MINAR1: variants seen among roughly 807,000 people sequenced by gnomAD.
MINAR1 encodes the protein major intrinsically disordered Notch2-binding receptor 1.
MINAR1 carries 40 observed loss-of-function variants against 65.1 expected under a neutral mutation model. That is an observed-to-expected ratio of 0.61 (90% CI 0.48 to 0.80). The LOEUF is 0.80. Ranked by LOEUF, MINAR1 falls within the 30% of genes least tolerant of loss-of-function variation. The pLI, the probability that MINAR1 is intolerant of heterozygous loss-of-function variation, is 0.00. For synonymous variants in MINAR1, 482 were observed against 449.1 expected (o/e 1.07, Z -0.93); for missense variants, 1,128 against 1,148.0 (o/e 0.98, Z 0.25).
intron 2 of MINAR1, among the ~76,000 whole-genome samples, chr15:79,462,813 G>C (rs1287924444): frequency 6.6e-6 from 1 of 152,198 alleles, no homozygotes; most frequent in African/African-American, 2.4e-5. Flanking sequence ...CAATGGTAGT[G>C]ATGGCCTAAA....
intron 1 of MINAR1, among the ~76,000 whole-genome samples, chr15:79,454,078 C>T (rs1895330408): frequency 2.0e-5 from 3 of 152,232 alleles, no homozygotes; most frequent in Admixed American, 2.0e-4. Context: ...TTGTGACAGG[C>T]TGTCCCCACC....
intron 2 of MINAR1, among the ~76,000 whole-genome samples, chr15:79,460,172 T>C (rs1302854354): frequency 6.6e-6 from 1 of 152,216 alleles, no homozygotes; most frequent in Admixed American, 6.5e-5. Flanking sequence ...TGTCCCCTTC[T>C]GCAACCTCAT....
At chr15:79,422,640 AAAAC>A in the MINAR1 span, 1 of 152,250 alleles carries the variant, frequency 6.6e-6, no homozygotes, top group African/African-American at 2.4e-5. Flanking sequence ...AAAAGAAAAA[AAAAC>A]AAATGGCAAA....
At chr15:79,460,829 T>G (rs1318576168) in intron 2 of MINAR1, among the ~76,000 whole-genome samples, 1 of 152,256 alleles carries the variant, frequency 6.6e-6, no homozygotes, top group Non-Finnish European at 1.5e-5. Context: ...TGCTCTACCT[T>G]GATGAGTCTT....
intron 2 of MINAR1, among the ~76,000 whole-genome samples, chr15:79,459,961 G>A (rs1029474773): frequency 2.6e-5 from 4 of 152,174 alleles, no homozygotes; most frequent in Non-Finnish European, 5.9e-5. Context: ...AGATATCATT[G>A]AACAGTGGCC....
chr15:79,462,175 G>T (rs746004218), intron 2 of MINAR1, among the ~76,000 whole-genome samples: 16 of 152,046 alleles, frequency 1.1e-4, no homozygotes, highest in Non-Finnish European at 1.6e-4. Flanking sequence ...CTGGAGAAGG[G>T]GATTAAAAGG....
At position 79,463,171 on chromosome 15, in the gene MINAR1, C is replaced by A. The variant is rs1895710359; in HGVS notation, c.2403C>A (p.Ser801=). ...TCAGCCCTCACCCCTACCCTGCCTC[C>A]CTCAAGGCCCACATGAAGAGCAACC... ...QVFSPHPYPA[S]LKAHMKSNPL... is the part of the protein sequence containing the mutation. The change falls in exon 3 of 4, where the codon TCC becomes TCA. Residue 801 remains serine, a synonymous_variant. Transcript: ENST00000305428. 6 of 1,614,122 alleles carry A rather than the reference C, an allele frequency of 3.7e-6. No individual in the cohort carries two copies. The highest frequency in any genetic ancestry group is 5.1e-6 in the Non-Finnish European group (6 of 1,180,060).
At chr15:79,418,852 C>T in the MINAR1 span, 2 of 152,164 alleles carry the variant, frequency 1.3e-5, no homozygotes, top group Non-Finnish European at 2.9e-5. Flanking sequence ...GGAGCCCAGC[C>T]AGCTGGCCTC....
At chr15:79,429,049 G>A (rs1894382389), upstream of MINAR1, among the ~76,000 whole-genome samples, 1 of 152,184 alleles carries the variant, frequency 6.6e-6, no homozygotes, top group Non-Finnish European at 1.5e-5. Flanking sequence ...AATTTGGGGG[G>A]CACTGGAGAA....
At chr15:79,462,359 GA>G (rs1895678930) in intron 2 of MINAR1, among the ~76,000 whole-genome samples, 1 of 152,170 alleles carries the variant, frequency 6.6e-6, no homozygotes, top group Non-Finnish European at 1.5e-5. Flanking sequence ...ACTGAGAGCA[GA>G]AACCCTTGGC....
intron 1 of MINAR1, among the ~76,000 whole-genome samples, chr15:79,437,835 G>T (rs941896596): frequency 3.6e-5 from 1 of 28,004 alleles, no homozygotes. Flanking sequence ...TGTGTGTAGG[G>T]AGTGTGTGGG....
chr15:79,411,568 G>A, the MINAR1 span: 5 of 696,084 alleles, frequency 7.2e-6, no homozygotes, highest in South Asian at 7.5e-5. Flanking sequence ...ACGCTGAAGT[G>A]GGAGGAAGCT....
At chr15:79,453,640 T>C (rs899806819) in intron 1 of MINAR1, among the ~76,000 whole-genome samples, 1 of 152,206 alleles carries the variant, frequency 6.6e-6, no homozygotes, top group South Asian at 2.1e-4. Flanking sequence ...GGGTGCAGTT[T>C]CTCTATGATA....
At chr15:79,450,709 G>T (rs1895163429) in intron 1 of MINAR1, among the ~76,000 whole-genome samples, 1 of 152,176 alleles carries the variant, frequency 6.6e-6, no homozygotes, top group South Asian at 2.1e-4. Flanking sequence ...TAAATAAGTT[G>T]AAAATGTAAA....
chr15:79,461,435 T>TCGTAGTTATTATCACCATCTCC (rs1895637043), intron 2 of MINAR1, among the ~76,000 whole-genome samples: 1 of 152,222 alleles, frequency 6.6e-6, no homozygotes. Flanking sequence ...GTGGCTACCG[T>TCGTAGTTATTATCACCATCTCC]CGTAGTTATT....
At chr15:79,420,174 T>A in the MINAR1 span, 1 of 152,184 alleles carries the variant, frequency 6.6e-6, no homozygotes, top group African/African-American at 2.4e-5. Flanking sequence ...ATCTTTAAGA[T>A]GCTGAGGGAG....
At position 79,456,807 on chromosome 15, in the gene MINAR1, C is replaced by T. The variant is rs762784457; in HGVS notation, c.660C>T (p.Ile220=). 1.8e-5 allele frequency: 29 copies of T among 1,614,176 alleles called. No individual in the cohort carries two copies. The highest frequency in any genetic ancestry group is 8.8e-5 in the South Asian group (8 of 91,076). Residue 220 remains isoleucine (I), a synonymous_variant, in exon 2 of 4, where the codon ATC becomes ATT. Coordinates refer to ENST00000305428, the MANE Select transcript of MINAR1 (RefSeq NM_015206.3). The part of the protein sequence containing the change: ...EMQRTYFPMN[I]ENESISDQDS... ...AGAGGACCTACTTCCCCATGAACAT[C>T]GAAAACGAGTCCATTTCAGACCAGG...
the MINAR1 span, chr15:79,412,394 G>A: frequency 6.6e-6 from 1 of 152,534 alleles, no homozygotes; most frequent in Non-Finnish European, 1.5e-5. Flanking sequence ...GAGTCCACCA[G>A]CCTCACCTTC....
chr15:79,418,389 C>T, the MINAR1 span: 1 of 152,220 alleles, frequency 6.6e-6, no homozygotes, highest in Non-Finnish European at 1.5e-5. Flanking sequence ...TTTAAAAACA[C>T]CGCTGTGAAG....
Sources: gnomAD v4.1 joint callset for allele counts (sites outside exome capture counted in the v4.1 genomes callset) on GRCh38, gnomAD v4.1.1 for gene constraint, MANE v1.5 for transcripts, NCBI Gene and HGNC (gene_info 2026-07-23, HGNC 2026-07-21) for gene names.